TTC7A: variants seen among roughly 807,000 people sequenced by gnomAD.
TTC7A encodes the protein tetratricopeptide repeat protein 7A.
Under a neutral mutation model 103.7 loss-of-function variants are expected in TTC7A, and 110 were observed. That is an observed-to-expected ratio of 1.06 (90% CI 0.91 to 1.24). TTC7A has a LOEUF of 1.24. Among genes scored for constraint, TTC7A ranks in the 50% most tolerant of loss-of-function variants. TTC7A has a pLI of 0.00. For synonymous variants in TTC7A, 521 were observed against 467.9 expected (o/e 1.11, Z -1.47); for missense variants, 1,340 against 1,116.3 (o/e 1.20, Z -2.86).
At chr2:46,969,078 T>C (rs1673120467) in intron 3 of TTC7A, among the ~76,000 whole-genome samples, 1 of 152,148 alleles carries the variant, frequency 6.6e-6, no homozygotes, top group African/African-American at 2.4e-5. Flanking sequence ...TATTTTCTAT[T>C]GATATAGATT....
chr2:46,950,223 A>G lies in TTC7A; in HGVS notation c.185-140A>G, dbSNP rs1227453252. On this transcript the variant is annotated intron_variant, in intron 1 of 19. Coordinates refer to ENST00000319190, the MANE Select transcript of TTC7A (RefSeq NM_020458.4). The stretch of plus-strand genomic sequence containing the variant: ...TCTTTAAAGGCTGTTGAAATTTATG[A>G]AAAATGTGCCTTTATTTTCTCAGAC... 4 of 742,422 alleles carry G rather than the reference A, an allele frequency of 5.4e-6. No individual in the cohort carries two copies. The East Asian group carries it at 7.8e-5, about 15-fold the overall frequency. 46.0% of individuals were successfully genotyped at this position (742,422 alleles called of 1,614,324 possible).
At chr2:46,955,527 G>A (rs1049971691) in intron 2 of TTC7A, among the ~76,000 whole-genome samples, 4 of 152,202 alleles carry the variant, frequency 2.6e-5, no homozygotes, top group Non-Finnish European at 5.9e-5. Context: ...GAGAAGGTGG[G>A]CCTGAGCAAG....
At chr2:47,021,421 T>G (rs1679257938) in intron 11 of TTC7A, among the ~76,000 whole-genome samples, 1 of 152,206 alleles carries the variant, frequency 6.6e-6, no homozygotes, top group Non-Finnish European at 1.5e-5. Context: ...GCCCCAGGCC[T>G]TTTTCCCCTG....
At chr2:46,983,450 G>A (rs1337026798) in intron 5 of TTC7A, among the ~76,000 whole-genome samples, 1 of 152,228 alleles carries the variant, frequency 6.6e-6, no homozygotes, top group Non-Finnish European at 1.5e-5. Flanking sequence ...CCCCACGGCT[G>A]CTGCTTGGAG....
In TTC7A at chr2:46,969,935, G is replaced by T. The variant is rs151201042; in HGVS notation, c.518-5038G>T. 1.1e-4 allele frequency among the ~76,000 whole-genome samples: 16 copies of T among 152,308 alleles called. No individual in the cohort carries two copies. The East Asian group carries it at 3.1e-3, about 29-fold the overall frequency. On this transcript the variant is annotated intron_variant, in intron 3 of 19. Transcript: ENST00000319190. ...GCAGCCAGACTGTTCAACTGGTTTA[G>T]ACACAGGGAGGCTTAACTCTACCTG...
chr2:47,019,565 A>G (rs975598036), intron 11 of TTC7A, among the ~76,000 whole-genome samples: 3 of 152,158 alleles, frequency 2.0e-5, no homozygotes, highest in African/African-American at 7.2e-5. Context: ...GTGGATCACA[A>G]GTTGGACACA....
chr2:47,033,513 G>A (rs1360929256), intron 15 of TTC7A, among the ~76,000 whole-genome samples: 1 of 152,210 alleles, frequency 6.6e-6, no homozygotes, highest in Non-Finnish European at 1.5e-5. Flanking sequence ...GGAAACTGGT[G>A]GGGGAATGGA....
At position 47,062,581 on chromosome 2, in the gene TTC7A, A is replaced by G. The variant is rs78694388; in HGVS notation, c.2355+1610A>G. Reference sequence around the variant, plus strand: ...GGCAGTGGGAGGGAGGGTGTGGGCTATATCATTGGGCCTGCAGCCAGGCAG... The same window carrying G: ...GGCAGTGGGAGGGAGGGTGTGGGCTGTATCATTGGGCCTGCAGCCAGGCAG... On this transcript the variant is annotated intron_variant, in intron 19 of 19. Coordinates refer to ENST00000319190, the MANE Select transcript of TTC7A (RefSeq NM_020458.4). Among the ~76,000 whole-genome samples the G allele has an allele frequency of 7.8e-3, 1,193 of 152,326 alleles. 12 individuals are homozygous for G. Among genetic ancestry groups the G allele is most frequent in the African/African-American group, 0.027 (1,127 of 41,558 alleles).
chr2:46,982,753 C>T (rs1039832026), intron 5 of TTC7A, among the ~76,000 whole-genome samples: 13 of 152,062 alleles, frequency 8.5e-5, no homozygotes, highest in Admixed American at 8.5e-4. Flanking sequence ...TGCTGGAGCC[C>T]ACAAGTTTGA....
At chr2:47,073,676 C>G (rs905258108) in intron 19 of TTC7A, 26 bp from the exon 20 acceptor site, 2 of 1,610,030 alleles carry the variant, frequency 1.2e-6, no homozygotes, top group East Asian at 2.2e-5. Context: ...CACCCCTACT[C>G]ACCCTGCCCT....
chr2:46,996,764 G>A (rs1326628533), intron 8 of TTC7A, among the ~76,000 whole-genome samples: 4 of 152,220 alleles, frequency 2.6e-5, no homozygotes, highest in Admixed American at 6.5e-5. Context: ...TGCCACATCT[G>A]ATTTTCATGG....
At chr2:46,927,691 C>T (rs946668354) in intron 2 of TTC7A, among the ~76,000 whole-genome samples, 6 of 151,872 alleles carry the variant, frequency 4.0e-5, no homozygotes, top group African/African-American at 9.7e-5. Flanking sequence ...GAGCAACAGA[C>T]GGCTGACTTC....
chr2:46,954,490 T>G lies in TTC7A; in HGVS notation c.349-2349T>G, dbSNP rs1671674624. On this transcript the variant is annotated intron_variant, in intron 2 of 19. Transcript: ENST00000319190. Reference sequence around the variant, plus strand: ...ATAGCAGCAAAATGATACCATCTTCTGCTCTTACTGTGCTATAACAGAAAA... The same window carrying G: ...ATAGCAGCAAAATGATACCATCTTCGGCTCTTACTGTGCTATAACAGAAAA... 2.0e-5 allele frequency among the ~76,000 whole-genome samples: 3 copies of G among 152,074 alleles called. No homozygotes were observed. In the South Asian group the frequency reaches 6.2e-4, roughly 32 times the overall value.
chr2:46,946,779 T>G (rs74592272), intron 1 of TTC7A, among the ~76,000 whole-genome samples: 4,367 of 151,454 alleles, frequency 0.029, 97 homozygotes, highest in Middle Eastern at 0.048. Flanking sequence ...CATCCTTCAG[T>G]TCCATAGACT....
chr2:47,066,065 T>G (rs926426698), intron 19 of TTC7A: 3 of 152,170 alleles, frequency 2.0e-5, no homozygotes, highest in Admixed American at 6.5e-5. Context: ...TTTGGCTAAT[T>G]TGGTAATTCC....
In TTC7A at chr2:47,060,925, A is replaced by G; in HGVS notation, c.2309A>G (p.Glu770Gly). 6.2e-7 allele frequency: 1 copy of G among 1,614,092 alleles called. No homozygotes were observed. The highest frequency in any genetic ancestry group is 1.1e-5 in the South Asian group (1 of 91,082). Residue 770 changes from glutamate to glycine, a missense_variant, in exon 19 of 20, where the codon GAG (glutamate) becomes GGG (glycine). Coordinates refer to ENST00000319190, the MANE Select transcript of TTC7A (RefSeq NM_020458.4). ...NLEEAKQLYK[E>G]ALTVNPDGVR... ...GAGGAGGCCAAGCAGCTGTACAAGG[A>G]GGCGCTCACGGTGAACCCAGATGGC...
At chr2:46,983,367 T>C (rs949176667) in intron 5 of TTC7A, among the ~76,000 whole-genome samples, 14 of 152,236 alleles carry the variant, frequency 9.2e-5, no homozygotes, top group African/African-American at 3.4e-4. Context: ...AGCTTTGGTT[T>C]CAGAGAAACG....
Position 47,021,946 on chromosome 2 carries a change from C to G in TTC7A, c.1477C>G (p.Leu493Val). ...GTTCCTCCCCAAGGGCTACCTGGCT[C>G]TGGGTCTCACCTATAGCCTGCAGGC... ...GEFLPKGYLA[L>V]GLTYSLQATD... The change falls in exon 12 of 20, where the codon CTG becomes GTG. Residue 493 changes from leucine (L) to valine (V), a missense_variant. Coordinates refer to ENST00000319190, the MANE Select transcript of TTC7A (RefSeq NM_020458.4). 6.2e-7 allele frequency: 1 copy of G among 1,614,052 alleles called. No individual in the cohort carries two copies.
At chr2:46,957,771 C>T (rs562394953) in intron 3 of TTC7A, among the ~76,000 whole-genome samples, 3 of 152,296 alleles carry the variant, frequency 2.0e-5, no homozygotes, top group East Asian at 3.9e-4. Context: ...TCCCTGGCTG[C>T]GGGAGCCCCT....
Sources: allele counts gnomAD v4.1 joint callset (sites outside exome capture counted in the v4.1 genomes callset), GRCh38; gene constraint gnomAD v4.1.1; transcripts MANE v1.5; gene names NCBI Gene and HGNC (gene_info 2026-07-23, HGNC 2026-07-21).